The following DCC variants were observed in gnomAD, a reference collection of about 807,000 sequenced individuals.
DCC encodes the protein DCC netrin 1 receptor, also known as netrin receptor DCC.
Under a neutral mutation model 172.5 loss-of-function variants are expected in DCC, and 58 were observed. The ratio of observed to expected loss-of-function variants is 0.34; its 90% CI spans 0.27 to 0.42. The LOEUF is 0.42. DCC is among the 10% of genes least tolerant of loss of function. The probability of loss-of-function intolerance (pLI) is 1.00; values close to 1 mark genes in which losing one functional copy is unlikely to be tolerated. For synonymous variants in DCC, 709 were observed against 644.5 expected (o/e 1.10, Z -1.52); for missense variants, 1,740 against 1,791.0 (o/e 0.97, Z 0.51).
intron 2 of DCC, among the ~76,000 whole-genome samples, chr18:52,895,375 C>T (rs1943112): frequency 0.9 from 136,406 of 152,228 alleles, 61,596 homozygotes; most frequent in Middle Eastern, 0.97. Context: ...AAGAATTTTA[C>T]ATGCAGAAGA....
rs144392342 is a variant in DCC, at chr18:53,459,220, T to C, written c.3393-12T>C. On this transcript the variant is annotated splice_polypyrimidine_tract_variant and intron_variant, in intron 23 of 28. Coordinates refer to ENST00000442544, the MANE Select transcript of DCC (RefSeq NM_005215.4). ...GAGGTTCTCACATTTGCCTTCTAAC[T>C]TTGTTCCATAGGAAACGGGCCACCC... The C allele has an allele frequency of 1.9e-4, 310 of 1,610,198 alleles. 2 individuals carry two copies. The East Asian group carries it at 6.8e-3, about 36-fold the overall frequency.
intron 5 of DCC, among the ~76,000 whole-genome samples, chr18:52,948,330 G>A (rs1334638390): frequency 6.6e-6 from 1 of 152,036 alleles, no homozygotes; most frequent in Non-Finnish European, 1.5e-5. Context: ...GTGTGTGTGT[G>A]TGTGTCTTAT....
chr18:52,929,072 G>T (rs997689807), intron 5 of DCC, among the ~76,000 whole-genome samples: 2 of 152,090 alleles, frequency 1.3e-5, no homozygotes, highest in Non-Finnish European at 2.9e-5. Flanking sequence ...AGTGGGTACT[G>T]GGGAGTGGTG....
At chr18:53,386,251 T>C (rs1908161691) in intron 16 of DCC, 113 bp downstream of exon 16, 1 of 733,694 alleles carries the variant, frequency 1.4e-6, no homozygotes, top group Non-Finnish European at 2.4e-6. Context: ...ATCATTATCC[T>C]CTGATAATCC....
intron 1 of DCC, among the ~76,000 whole-genome samples, chr18:52,359,385 C>T (rs1780805292): frequency 6.6e-6 from 1 of 152,152 alleles, no homozygotes; most frequent in Non-Finnish European, 1.5e-5. Context: ...AAGAATATCC[C>T]ATTTTAAGTA....
At chr18:53,023,967 T>A (rs2143932571) in intron 5 of DCC, among the ~76,000 whole-genome samples, 1 of 152,282 alleles carries the variant, frequency 6.6e-6, no homozygotes, top group South Asian at 2.1e-4. Context: ...TGTATCTATA[T>A]GTTATGGTTC....
chr18:53,337,553 AT>A (rs543851443), intron 14 of DCC, among the ~76,000 whole-genome samples: 10 of 152,242 alleles, frequency 6.6e-5, no homozygotes, highest in African/African-American at 1.2e-4. Flanking sequence ...TTGAGACATA[AT>A]TTTTTTATGA....
At chr18:53,453,091 A>G (rs1033137931) in intron 23 of DCC, among the ~76,000 whole-genome samples, 1 of 151,780 alleles carries the variant, frequency 6.6e-6, no homozygotes, top group African/African-American at 2.4e-5. Flanking sequence ...AATTTCTTGA[A>G]TTTTTAGTAG....
At chr18:53,180,923 G>T (rs927171302) in intron 9 of DCC, among the ~76,000 whole-genome samples, 2 of 152,030 alleles carry the variant, frequency 1.3e-5, no homozygotes, top group Admixed American at 1.3e-4. Flanking sequence ...CAACATTTGA[G>T]TCTCAATTGC....
intron 7 of DCC, among the ~76,000 whole-genome samples, chr18:53,135,543 A>G (rs527521174): frequency 2.6e-5 from 4 of 152,174 alleles, no homozygotes; most frequent in Non-Finnish European, 4.4e-5. Flanking sequence ...GTAATTCTTC[A>G]TCCAGTCTTC....
rs1468683198 is a variant in DCC, at chr18:53,413,299, A to C, written c.3130+2653A>C. On this transcript the variant is annotated intron_variant, in intron 20 of 28. Transcript: ENST00000442544. ...CTGAAATGTGCCTCTCCCCTATCCA[A>C]GAATATAGCACTGAAAGCTTTGGAC... 2.0e-5 allele frequency among the ~76,000 whole-genome samples: 3 copies of C among 152,334 alleles called. No individual in the cohort carries two copies. The East Asian group carries it at 5.8e-4, about 29-fold the overall frequency.
intron 7 of DCC, among the ~76,000 whole-genome samples, chr18:53,109,134 C>T (rs1348257879): frequency 6.6e-6 from 1 of 151,218 alleles, no homozygotes; most frequent in Non-Finnish European, 1.5e-5. Flanking sequence ...ATATGTACTT[C>T]CCTGATGACT....
chr18:52,478,029 C>T (rs559548922), intron 1 of DCC, among the ~76,000 whole-genome samples: 57 of 152,116 alleles, frequency 3.7e-4, no homozygotes, highest in Non-Finnish European at 5.9e-4. Flanking sequence ...AGGCTGCTAT[C>T]GAACTTCTGG....
chr18:53,336,736 C>T (rs541313801), intron 14 of DCC, among the ~76,000 whole-genome samples: 57 of 152,242 alleles, frequency 3.7e-4, no homozygotes, highest in Non-Finnish European at 7.1e-4. Context: ...ATTAGCTGGG[C>T]GTGGTGGCAC....
intron 12 of DCC, among the ~76,000 whole-genome samples, chr18:53,258,999 A>T (rs956903129): frequency 6.6e-6 from 1 of 152,108 alleles, no homozygotes; most frequent in Non-Finnish European, 1.5e-5. Flanking sequence ...TTGTTGGTTT[A>T]AAGTCTGTTT....
chr18:53,514,800 A>G lies in DCC; in HGVS notation c.4112-11817A>G, dbSNP rs1172758604. ...AATAACAGGATCTGAAATTGTGGCAATAATCAATAGCTTACCAACCAAAAA... is the reference window on the plus strand; with the variant it reads ...AATAACAGGATCTGAAATTGTGGCAGTAATCAATAGCTTACCAACCAAAAA... On this transcript the variant is annotated intron_variant, in intron 27 of 28. Coordinates refer to ENST00000442544, the MANE Select transcript of DCC (RefSeq NM_005215.4). Among the ~76,000 whole-genome samples the G allele has an allele frequency of 4.6e-5, 7 of 152,192 alleles. No homozygotes were observed. In the East Asian group the frequency reaches 1.4e-3, roughly 29 times the overall value.
At chr18:53,083,931 A>G (rs915970635) in intron 7 of DCC, among the ~76,000 whole-genome samples, 9 of 152,226 alleles carry the variant, frequency 5.9e-5, no homozygotes, top group African/African-American at 1.9e-4. Context: ...TCAAACTGTA[A>G]CAACCTTTCT....
At chr18:52,900,278 G>A (rs567279382) in intron 2 of DCC, among the ~76,000 whole-genome samples, 1 of 152,294 alleles carries the variant, frequency 6.6e-6, no homozygotes, top group Admixed American at 6.5e-5. Context: ...TGGGGTTACG[G>A]CTGCTTAACA....
chr18:53,527,708 A>C (rs1568188822), intron 28 of DCC, among the ~76,000 whole-genome samples: 1 of 151,944 alleles, frequency 6.6e-6, no homozygotes, highest in Admixed American at 6.6e-5. Context: ...GAAAAAAAAA[A>C]CATTTATCCC....
Sources: allele counts gnomAD v4.1 joint callset (sites outside exome capture counted in the v4.1 genomes callset), GRCh38; gene constraint gnomAD v4.1.1; transcripts MANE v1.5; gene names NCBI Gene and HGNC (gene_info 2026-07-23, HGNC 2026-07-21).